The following MYO9A variants were observed in gnomAD, a reference collection of about 807,000 sequenced individuals.
MYO9A encodes the protein unconventional myosin-IXa.
MYO9A carries 103 observed loss-of-function variants against 293.3 expected under a neutral mutation model. That is an observed-to-expected ratio of 0.35 (90% CI 0.30 to 0.41). MYO9A has a LOEUF of 0.41. Ranked by LOEUF, MYO9A falls within the 10% of genes least tolerant of loss-of-function variation. The pLI, the probability that MYO9A is intolerant of heterozygous loss-of-function variation, is 1.00. For missense variants in MYO9A, 2,685 were observed against 3,033.0 expected (o/e 0.89, Z 2.69); for synonymous variants, 1,001 against 1,035.7 (o/e 0.97, Z 0.64).
intron 30 of MYO9A, among the ~76,000 whole-genome samples, chr15:71,879,313 A>T (rs2056800210): frequency 1.3e-5 from 2 of 152,212 alleles, no homozygotes; most frequent in African/African-American, 4.8e-5. Flanking sequence ...GTGTCCATAA[A>T]CTAACTGCCC....
intron 1 of MYO9A, among the ~76,000 whole-genome samples, chr15:72,100,812 C>A (rs1331434800): frequency 6.6e-6 from 1 of 151,054 alleles, no homozygotes; most frequent in Non-Finnish European, 1.5e-5. Flanking sequence ...GGCAGCCACC[C>A]CGTCTGGGAA....
At chr15:71,927,042 G>C (rs1228216491) in intron 18 of MYO9A, among the ~76,000 whole-genome samples, 1 of 152,120 alleles carries the variant, frequency 6.6e-6, no homozygotes, top group African/African-American at 2.4e-5. Context: ...ATTGGCAAGA[G>C]TGGGGCCACC....
chr15:71,827,891 C>T lies in MYO9A; in HGVS notation c.7176G>A (p.Glu2392=). 1 of 1,612,742 alleles carries T rather than the reference C, an allele frequency of 6.2e-7. No homozygotes were observed. Among genetic ancestry groups the T allele is most frequent in the Non-Finnish European group, 8.5e-7 (1 of 1,179,486 alleles). ...TCTACCATGTTCACTTACCTGATTT[C>T]TCAGAGATAGCATATTCAGACTCCA... is the stretch of plus-strand genomic sequence containing the variant. ...LNMESEYAIS[E]KSERSLALSS... Residue 2392 remains glutamate, a synonymous_variant, in exon 41 of 42, where the codon GAG becomes GAA. Coordinates refer to ENST00000356056, the MANE Select transcript of MYO9A (RefSeq NM_006901.4).
rs2140367848 is a variant in MYO9A at position 71,825,191 on chromosome 15, TA to T, written c.*1388del. 1 of 152,358 alleles carries T rather than the reference TA, an allele frequency of 6.6e-6. No homozygotes were observed. The highest frequency in any genetic ancestry group is 1.9e-4 in the East Asian group (1 of 5,188). The allele number at this position is 152,358 out of a possible 1,614,324, so 9.4% of individuals were successfully genotyped here. On this transcript the variant is annotated 3_prime_UTR_variant, in exon 42 of 42. Transcript: ENST00000356056. ...AATGCTAAGATACTTAAAATGCTATTATAACTCATGTGTATGAAGACCACCC... is the reference window on the plus strand; with the variant it reads ...AATGCTAAGATACTTAAAATGCTATTTAACTCATGTGTATGAAGACCACCC...
chr15:71,884,756 A>G (rs1316292034), intron 27 of MYO9A, among the ~76,000 whole-genome samples: 1 of 152,072 alleles, frequency 6.6e-6, no homozygotes, highest in East Asian at 1.9e-4. Context: ...TGTCTGTTCA[A>G]TCATTCAATT....
chr15:72,086,948 TAC>T (rs1432423084), intron 1 of MYO9A, among the ~76,000 whole-genome samples: 1 of 152,106 alleles, frequency 6.6e-6, no homozygotes, highest in African/African-American at 2.4e-5. Context: ...GTATTTTTAG[TAC>T]AGACGGGATT....
In MYO9A at chr15:72,020,996, G is replaced by A. The variant is rs1279542228; in HGVS notation, c.1020C>T (p.Tyr340=). ...HNERNYHVFY[Y]LLAGASEDER... ...CATCTTCACTTGCTCCTGCCAGGAG[G>A]TAATAGAATACATGATAGTTCCTGT... The change falls in exon 5 of 42, where the codon TAC becomes TAT. Residue 340 remains tyrosine, a synonymous_variant. Transcript: ENST00000356056. 1 of 1,555,658 alleles carries A rather than the reference G, an allele frequency of 6.4e-7. No individual in the cohort carries two copies. Among genetic ancestry groups the A allele is most frequent in the Non-Finnish European group, 8.6e-7 (1 of 1,158,852 alleles).
At chr15:71,848,309 A>G (rs1295644649) in intron 39 of MYO9A, among the ~76,000 whole-genome samples, 1 of 152,044 alleles carries the variant, frequency 6.6e-6, no homozygotes, top group Non-Finnish European at 1.5e-5. Context: ...GAAATAAATT[A>G]TCGGTTTTAC....
chr15:71,984,342 T>G (rs1469650451), intron 11 of MYO9A, among the ~76,000 whole-genome samples: 1 of 152,220 alleles, frequency 6.6e-6, no homozygotes, highest in Non-Finnish European at 1.5e-5. Context: ...AGTCTCTGGT[T>G]TCCTCTAGCT....
intron 18 of MYO9A, among the ~76,000 whole-genome samples, chr15:71,924,426 T>C (rs528152031): frequency 2.0e-4 from 31 of 152,098 alleles, no homozygotes; most frequent in Non-Finnish European, 4.0e-4. Flanking sequence ...GTATTTTTAA[T>C]AGAGACAGGG....
At chr15:72,065,953 AGTTT>A (rs1417545738) in intron 1 of MYO9A, among the ~76,000 whole-genome samples, 1 of 152,240 alleles carries the variant, frequency 6.6e-6, no homozygotes, top group Non-Finnish European at 1.5e-5. Context: ...ACCACAACTT[AGTTT>A]AAGGAGTGGA....
intron 17 of MYO9A, among the ~76,000 whole-genome samples, chr15:71,933,952 T>C (rs887614627): frequency 1.3e-5 from 2 of 152,140 alleles, no homozygotes; most frequent in African/African-American, 4.8e-5. Flanking sequence ...TTACACCTGA[T>C]GATTAGTAAC....
At position 72,003,970 on chromosome 15, in the gene MYO9A, T is replaced by C. The variant is rs534533075; in HGVS notation, c.1380+3856A>G. 2.0e-5 allele frequency among the ~76,000 whole-genome samples: 3 copies of C among 152,196 alleles called. No individual in the cohort carries two copies. In the East Asian group the frequency reaches 5.8e-4, roughly 29 times the overall value. ...AAGGGTACAAAAACTCTCAACTCAT[T>C]TCATGAGTTCTCTTTACCTAGCACA... On this transcript the variant is annotated intron_variant, in intron 8 of 41. Transcript: ENST00000356056.
chr15:71,942,938 G>A (rs2058817157), intron 15 of MYO9A, among the ~76,000 whole-genome samples: 1 of 151,962 alleles, frequency 6.6e-6, no homozygotes, highest in African/African-American at 2.4e-5. Context: ...CTATATAGGT[G>A]AGCATCTGTT....
At chr15:71,966,456 A>G (rs1447064343) in intron 13 of MYO9A, among the ~76,000 whole-genome samples, 1 of 152,094 alleles carries the variant, frequency 6.6e-6, no homozygotes, top group Non-Finnish European at 1.5e-5. Flanking sequence ...AATATCCTCA[A>G]GTTTTTCTAT....
intron 15 of MYO9A, among the ~76,000 whole-genome samples, chr15:71,946,556 T>C (rs1050901204): frequency 3.3e-5 from 5 of 152,220 alleles, no homozygotes; most frequent in Non-Finnish European, 5.9e-5. Flanking sequence ...TAGCTTTGTG[T>C]CTTCTCTCAC....
intron 28 of MYO9A, 100 bp from the exon 29 acceptor site, chr15:71,880,658 G>T (rs1183024281): frequency 9.7e-7 from 1 of 1,031,776 alleles, no homozygotes; most frequent in East Asian, 2.5e-5. Flanking sequence ...GTCACTGAAG[G>T]AAACATGCAA....
chr15:71,906,266 TTAAAA>T (rs1353300098), intron 19 of MYO9A, among the ~76,000 whole-genome samples: 5 of 152,216 alleles, frequency 3.3e-5, no homozygotes, highest in Non-Finnish European at 7.3e-5. Flanking sequence ...TCATGGGCAC[TTAAAA>T]TAAATGCATA....
At chr15:71,890,255 A>G in intron 26 of MYO9A, 1 of 152,208 alleles carries the variant, frequency 6.6e-6, no homozygotes, top group East Asian at 1.9e-4. Context: ...AAATAGGAAT[A>G]TAAGAAGTGA....
Sources: gnomAD v4.1 joint callset for allele counts (sites outside exome capture counted in the v4.1 genomes callset) on GRCh38, gnomAD v4.1.1 for gene constraint, MANE v1.5 for transcripts, NCBI Gene and HGNC (gene_info 2026-07-23, HGNC 2026-07-21) for gene names.